The following YPEL2 variants were observed in gnomAD, a reference collection of about 807,000 sequenced individuals.
The protein encoded by YPEL2 is yippee like 2, also known as protein yippee-like 2.
YPEL2 carries 2 observed loss-of-function variants against 19.1 expected under a neutral mutation model. The observed-to-expected ratio is 0.10, with a 90% CI of 0.04 to 0.33. YPEL2 has a LOEUF of 0.33. Ranked by LOEUF, YPEL2 falls within the 10% of genes least tolerant of loss-of-function variation. The probability of loss-of-function intolerance (pLI) is 1.00; values close to 1 mark genes in which losing one functional copy is unlikely to be tolerated. For synonymous variants in YPEL2, 52 were observed against 50.0 expected (o/e 1.04, Z -0.17); for missense variants, 66 against 140.7 (o/e 0.47, Z 2.68).
At position 59,399,744 on chromosome 17, in the gene YPEL2, G is replaced by A. The variant is rs1483593360; in HGVS notation, c.*2554G>A. 1.3e-5 allele frequency: 2 copies of A among 152,662 alleles called. No individual in the cohort carries two copies. The highest frequency in any genetic ancestry group is 1.3e-4 in the Admixed American group (2 of 15,274). 9.5% of individuals were successfully genotyped at this position (152,662 alleles called of 1,614,324 possible). Reference sequence around the variant, plus strand: ...TCTAACATTGAGCAGCATTGGAGAGGCCACAGCTGAGCTATGGAGATGCTA... The same window carrying A: ...TCTAACATTGAGCAGCATTGGAGAGACCACAGCTGAGCTATGGAGATGCTA... On this transcript the variant is annotated 3_prime_UTR_variant, in exon 5 of 5. Coordinates refer to ENST00000312655, the MANE Select transcript of YPEL2 (RefSeq NM_001005404.4).
intron 1 of YPEL2, among the ~76,000 whole-genome samples, chr17:59,337,177 G>T (rs780058750): frequency 6.1e-5 from 9 of 147,666 alleles, no homozygotes; most frequent in Non-Finnish European, 1.2e-4. Context: ...GTTCATGGGA[G>T]AAATTCTTTT....
chr17:59,379,060 G>C (rs1471191040), intron 2 of YPEL2, among the ~76,000 whole-genome samples: 1 of 152,184 alleles, frequency 6.6e-6, no homozygotes, highest in Admixed American at 6.5e-5. Flanking sequence ...ATTAACCCAA[G>C]TCTCTCTCAT....
Position 59,397,214 on chromosome 17 carries a change from G to T in YPEL2, c.*24G>T, listed in dbSNP as rs1464684895. ...GATTGGACAGCATCTACCCAACCCA[G>T]TGTCCACGTGAACGCCATTCAACCG... On this transcript the variant is annotated 3_prime_UTR_variant, in exon 5 of 5. Coordinates refer to ENST00000312655, the MANE Select transcript of YPEL2 (RefSeq NM_001005404.4). 1.0e-5 allele frequency: 16 copies of T among 1,545,100 alleles called. No individual in the cohort carries two copies. The highest frequency in any genetic ancestry group is 1.4e-5 in the Non-Finnish European group (16 of 1,136,902).
chr17:59,381,048 C>A (rs1324160210), intron 2 of YPEL2, among the ~76,000 whole-genome samples: 1 of 152,220 alleles, frequency 6.6e-6, no homozygotes, highest in Non-Finnish European at 1.5e-5. Context: ...GGACTTTTTA[C>A]TTTGTGCTTC....
rs371996130 is a variant in YPEL2, at chr17:59,357,953, C to CT, written c.117+4431dup. Among the ~76,000 whole-genome samples, 64 of 152,298 alleles carry CT rather than the reference C, an allele frequency of 4.2e-4. 1 individual carries two copies. The East Asian group carries it at 0.012, about 28-fold the overall frequency. ...TCCAGTGGAGGTGGGATGAGGAAAC[C>CT]TTTTGCTCAGTCTCCAAAACTATTT... On this transcript the variant is annotated intron_variant, in intron 2 of 4. Coordinates refer to ENST00000312655, the MANE Select transcript of YPEL2 (RefSeq NM_001005404.4).
intron 2 of YPEL2, among the ~76,000 whole-genome samples, chr17:59,382,014 G>C (rs1277163978): frequency 6.6e-6 from 1 of 152,204 alleles, no homozygotes; most frequent in Non-Finnish European, 1.5e-5. Flanking sequence ...AGCCCAGCTG[G>C]GGCTATTCTT....
chr17:59,362,568 A>G (rs576561358), intron 2 of YPEL2: 1 of 152,314 alleles, frequency 6.6e-6, no homozygotes, highest in Admixed American at 6.5e-5. Flanking sequence ...AAATACCAAA[A>G]GGAAATGTTG....
chr17:59,356,610 T>G (rs146110806), intron 2 of YPEL2, among the ~76,000 whole-genome samples: 1 of 152,332 alleles, frequency 6.6e-6, no homozygotes, highest in African/African-American at 2.4e-5. Flanking sequence ...ATACAATGGG[T>G]AAAATAATGT....
intron 2 of YPEL2, among the ~76,000 whole-genome samples, chr17:59,358,799 G>C (rs890370921): frequency 7.2e-5 from 11 of 152,062 alleles, no homozygotes; most frequent in African/African-American, 2.7e-4. Flanking sequence ...ACTGAAGATG[G>C]GGTTTCTCAT....
chr17:59,377,653 A>G (rs754801904), intron 2 of YPEL2, among the ~76,000 whole-genome samples: 5 of 152,184 alleles, frequency 3.3e-5, no homozygotes, highest in Non-Finnish European at 5.9e-5. Flanking sequence ...ACCCCATGCC[A>G]CAGACTGGAG....
At chr17:59,336,559 T>TA (rs2047699644) in intron 1 of YPEL2, among the ~76,000 whole-genome samples, 1 of 152,200 alleles carries the variant, frequency 6.6e-6, no homozygotes, top group Admixed American at 6.5e-5. Context: ...TCCTTATTTT[T>TA]AAAATGGTAC....
intron 1 of YPEL2, among the ~76,000 whole-genome samples, chr17:59,349,917 C>G (rs2047779502): frequency 6.6e-6 from 1 of 152,130 alleles, no homozygotes; most frequent in African/African-American, 2.4e-5. Context: ...CCTCAGCCTC[C>G]CAAAGTGCTG....
chr17:59,349,694 C>T (rs952800220), intron 1 of YPEL2, among the ~76,000 whole-genome samples: 16 of 152,186 alleles, frequency 1.1e-4, no homozygotes, highest in African/African-American at 3.6e-4. Context: ...CAGAATCTCG[C>T]ACTGTCACCA....
At chr17:59,354,019 C>A in intron 2 of YPEL2, 1 of 235,996 alleles carries the variant, frequency 4.2e-6, no homozygotes, top group Non-Finnish European at 8.5e-6. Flanking sequence ...AAGAGCTGAC[C>A]TTCTGGCCTG....
At chr17:59,384,954 A>C (rs1598050412) in intron 2 of YPEL2, among the ~76,000 whole-genome samples, 1 of 152,338 alleles carries the variant, frequency 6.6e-6, no homozygotes, top group East Asian at 1.9e-4. Flanking sequence ...ACCTTCTTCT[A>C]AGCTCCGAAC....
intron 1 of YPEL2, among the ~76,000 whole-genome samples, chr17:59,334,342 C>G (rs1489529767): frequency 1.3e-5 from 2 of 148,236 alleles, no homozygotes; most frequent in African/African-American, 2.5e-5. Context: ...TCCGTGTATT[C>G]CAGACTGCAT....
At chr17:59,391,643 A>G (rs1317795114) in intron 4 of YPEL2, among the ~76,000 whole-genome samples, 1 of 152,074 alleles carries the variant, frequency 6.6e-6, no homozygotes, top group Non-Finnish European at 1.5e-5. Context: ...CAGGCCTATA[A>G]CCCCAGCAGT....
chr17:59,349,002 G>A (rs1048623185), intron 1 of YPEL2, among the ~76,000 whole-genome samples: 36 of 151,922 alleles, frequency 2.4e-4, no homozygotes, highest in Non-Finnish European at 4.0e-4. Flanking sequence ...GTGAAACCCC[G>A]TCTCTACTAA....
chr17:59,366,819 T>C (rs761123242), intron 2 of YPEL2, among the ~76,000 whole-genome samples: 1 of 152,128 alleles, frequency 6.6e-6, no homozygotes, highest in Admixed American at 6.5e-5. Flanking sequence ...TTCATGGAGC[T>C]TTTTGAAGCT....
Sources: gnomAD v4.1 joint callset for allele counts (sites outside exome capture counted in the v4.1 genomes callset) on GRCh38, gnomAD v4.1.1 for gene constraint, MANE v1.5 for transcripts, NCBI Gene and HGNC (gene_info 2026-07-23, HGNC 2026-07-21) for gene names.